The following CSGALNACT1 variants were observed in gnomAD, a reference collection of about 807,000 sequenced individuals.
CSGALNACT1 encodes chondroitin sulfate N-acetylgalactosaminyltransferase 1.
A neutral mutation model predicts 51.0 loss-of-function variants in CSGALNACT1; 52 were observed. That is an observed-to-expected ratio of 1.02 (90% CI 0.82 to 1.29). The LOEUF is 1.29. Ranked by LOEUF, CSGALNACT1 falls within the 50% of genes most tolerant of loss-of-function variation. The pLI is 0.00. For missense variants in CSGALNACT1, 935 were observed against 679.2 expected (o/e 1.38, Z -4.19); for synonymous variants, 341 against 254.4 (o/e 1.34, Z -3.24).
intron 1 of CSGALNACT1, among the ~76,000 whole-genome samples, chr8:19,651,598 T>A (rs1052608934): frequency 2.6e-5 from 4 of 151,492 alleles, no homozygotes; most frequent in South Asian, 2.1e-4. Context: ...TAGGATTTTG[T>A]TTTTTTTATG....
chr8:19,757,609 A>G lies in CSGALNACT1; in HGVS notation c.-297+241T>C, dbSNP rs1470434157. ...GCCGGAGAAGTTTAGAGACTAGGAC[A>G]CTGTGGCGTGGCCCGAGTTGCAGGA... On this transcript the variant is annotated intron_variant, in intron 1 of 1. Transcript: ENST00000517494. This position sits in a 1 kb window ranked among gnomAD's most constrained non-coding sequence, Gnocchi z 4.0. Among the ~76,000 whole-genome samples the G allele has an allele frequency of 6.6e-6, 1 of 152,088 alleles. No individual in the cohort carries two copies. The highest frequency in any genetic ancestry group is 1.5e-5 in the Non-Finnish European group (1 of 67,998).
chr8:19,526,636 T>C (rs1445270854), intron 3 of CSGALNACT1, among the ~76,000 whole-genome samples: 1 of 152,052 alleles, frequency 6.6e-6, no homozygotes, highest in Admixed American at 6.6e-5. Context: ...GAAATGCTTA[T>C]TTGACTGATA....
At chr8:19,530,825 G>A (rs1563922925) in intron 3 of CSGALNACT1, among the ~76,000 whole-genome samples, 1 of 152,170 alleles carries the variant, frequency 6.6e-6, no homozygotes, top group East Asian at 1.9e-4. Context: ...AGGGACTGGT[G>A]AGGAAAAAAG....
chr8:19,420,557 C>A (rs150427337), intron 6 of CSGALNACT1, 39 bp from the exon 6 acceptor site: 5 of 1,600,536 alleles, frequency 3.1e-6, no homozygotes, highest in Non-Finnish European at 4.3e-6. Flanking sequence ...CACATTCCCA[C>A]ATGTTGGCAG....
rs554523712 is a variant in CSGALNACT1 at position 19,658,662 on chromosome 8, G to A, written c.-544+23811C>T. ...GGCACGAGAATCACTTGAACCTGGG[G>A]GGCAGAGGTTACAGTGAGCTGAGAT... On this transcript the variant is annotated intron_variant, in intron 1 of 9. Transcript: ENST00000332246. 2.0e-4 allele frequency among the ~76,000 whole-genome samples: 30 copies of A among 152,104 alleles called. No individual in the cohort carries two copies. The South Asian group carries it at 4.1e-3, about 21-fold the overall frequency.
chr8:19,700,126 G>A (rs10108163), intron 1 of CSGALNACT1, among the ~76,000 whole-genome samples: 207 of 138,988 alleles, frequency 1.5e-3, no homozygotes, highest in East Asian at 4.3e-3. Flanking sequence ...AAAAAAAAAA[G>A]AAAAAAAAAA....
intron 1 of CSGALNACT1, among the ~76,000 whole-genome samples, chr8:19,663,994 T>A (rs988076721): frequency 1.3e-5 from 2 of 152,146 alleles, no homozygotes; most frequent in Non-Finnish European, 2.9e-5. Flanking sequence ...CTTTTCCAAT[T>A]ACCAGCAGAC....
At position 19,479,611 on chromosome 8, in the gene CSGALNACT1, G is replaced by C. The variant is rs373699863; in HGVS notation, c.635-20969C>G. On this transcript the variant is annotated intron_variant, in intron 4 of 9. Coordinates refer to ENST00000454498, the Ensembl canonical transcript of CSGALNACT1. ...TTGTGATGCCACATGAAAGGTATAAGAAGTGCTGTTCTAACCAGGCAAATA... is the reference window on the plus strand; with the variant it reads ...TTGTGATGCCACATGAAAGGTATAACAAGTGCTGTTCTAACCAGGCAAATA... 5.3e-4 allele frequency among the ~76,000 whole-genome samples: 80 copies of C among 152,214 alleles called. No individual in the cohort carries two copies. The South Asian group carries it at 0.016, about 31-fold the overall frequency.
chr8:19,516,257 A>G (rs993950653), intron 3 of CSGALNACT1, among the ~76,000 whole-genome samples: 1 of 152,068 alleles, frequency 6.6e-6, no homozygotes, highest in African/African-American at 2.4e-5. Flanking sequence ...AGAAACAGAA[A>G]CTGAAGCTTA....
At chr8:19,481,670 C>T (rs2071436455) in intron 4 of CSGALNACT1, among the ~76,000 whole-genome samples, 1 of 152,090 alleles carries the variant, frequency 6.6e-6, no homozygotes, top group South Asian at 2.1e-4. Flanking sequence ...ACATCATAGT[C>T]GTTTCTGTAT....
intron 1 of CSGALNACT1, among the ~76,000 whole-genome samples, chr8:19,700,200 T>G (rs1010078282): frequency 4.8e-5 from 7 of 146,992 alleles, no homozygotes; most frequent in Non-Finnish European, 1.1e-4. Flanking sequence ...TTAAGTCAGG[T>G]TTTTTTTTTA....
chr8:19,663,207 A>G (rs974602002), intron 1 of CSGALNACT1, among the ~76,000 whole-genome samples: 1 of 152,166 alleles, frequency 6.6e-6, no homozygotes, highest in Non-Finnish European at 1.5e-5. Context: ...ATTAAAAAAG[A>G]TAACTACACT....
At chr8:19,577,292 G>C (rs1047335759) in intron 3 of CSGALNACT1, among the ~76,000 whole-genome samples, 2 of 152,052 alleles carry the variant, frequency 1.3e-5, no homozygotes, top group African/African-American at 4.8e-5. Context: ...GCCAGGCATA[G>C]TGGCTCAGGC....
At chr8:19,576,630 C>T (rs1464499475) in intron 3 of CSGALNACT1, among the ~76,000 whole-genome samples, 1 of 151,974 alleles carries the variant, frequency 6.6e-6, no homozygotes, top group Non-Finnish European at 1.5e-5. Flanking sequence ...CCTCTGGGCA[C>T]TAATGATCTC....
At chr8:19,555,830 T>C (rs1009688301) in intron 3 of CSGALNACT1, among the ~76,000 whole-genome samples, 1 of 152,182 alleles carries the variant, frequency 6.6e-6, no homozygotes, top group Non-Finnish European at 1.5e-5. Flanking sequence ...CAGCCTGGTA[T>C]GTGAGTGACT....
intron 1 of CSGALNACT1, among the ~76,000 whole-genome samples, chr8:19,752,136 T>G (rs376298655): frequency 3.5e-5 from 2 of 56,442 alleles, no homozygotes; most frequent in African/African-American, 9.0e-5. Context: ...TGTTATATAT[T>G]ATATGATATT....
rs1564383794 is a variant in CSGALNACT1, at chr8:19,666,837, GAAAGAA to G, written c.-544+15630_-544+15635del. Among the ~76,000 whole-genome samples, 48 of 52,858 alleles carry G rather than the reference GAAAGAA, an allele frequency of 9.1e-4. 1 individual carries two copies. The highest frequency in any genetic ancestry group is 8.2e-3 in the Middle Eastern group (1 of 122). The allele number at this position is 52,858 out of a possible 152,430, so 34.7% of individuals were successfully genotyped here. ...AGAGAGAGAGAGAGAGAGAGAGAAA[GAAAGAA>G]AGAAAGAAAGAAAGAAAGAAAGAAA... On this transcript the variant is annotated intron_variant, in intron 1 of 9. Transcript: ENST00000332246.
At chr8:19,451,165 G>C (rs901390569) in intron 5 of CSGALNACT1, among the ~76,000 whole-genome samples, 1 of 152,132 alleles carries the variant, frequency 6.6e-6, no homozygotes, top group Admixed American at 6.5e-5. Context: ...CTGGGTGCTA[G>C]GAGAAACCTC....
chr8:19,404,800 T>G, exon 10 of CSGALNACT1: 2 of 454,554 alleles, frequency 4.4e-6, no homozygotes, highest in Non-Finnish European at 8.8e-6. Flanking sequence ...ATATCACCAG[T>G]CTGAATGAGT....
Sources: allele counts gnomAD v4.1 joint callset (sites outside exome capture counted in the v4.1 genomes callset), GRCh38; gene constraint gnomAD v4.1.1; non-coding constraint Gnocchi (gnomAD v3.1); transcripts MANE v1.5; gene names NCBI Gene and HGNC (gene_info 2026-07-23, HGNC 2026-07-21).